Variants in ACOT9 observed in about 807,000 individuals in gnomAD.
ACOT9 encodes the protein acyl-CoA thioesterase 9, also known as acyl-coenzyme A thioesterase 9, mitochondrial.
A neutral mutation model predicts 39.7 loss-of-function variants in ACOT9; 34 were observed. That is an observed-to-expected ratio of 0.86 (90% confidence interval 0.65 to 1.14). ACOT9 has a LOEUF of 1.14. ACOT9 is among the 50% of genes most tolerant of loss of function. ACOT9 has a pLI of 0.00. For missense variants in ACOT9, 313 were observed against 344.1 expected, an observed-to-expected ratio of 0.91 and a Z score of 0.71; for synonymous variants, 110 against 120.5, an observed-to-expected ratio of 0.91 and a Z score of 0.57.
At chrX:23,742,221 AGAGAGAGAGAGAGAGG>A (rs1375710191) in intron 1 of ACOT9, among the ~76,000 whole-genome samples, 2 of 47,893 alleles carry the variant, frequency 4.2e-5, no homozygotes, top group African/African-American at 2.0e-4. Flanking sequence ...AGTGAGAGAG[AGAGAGAGAGAGAGAGG>A]GAGAGAGAGA....
rs772345781 is a variant in ACOT9 at position 23,702,092 on chromosome X, A to G, written c.*1802T>C. Among the ~76,000 whole-genome samples, 1 of 107,637 alleles carries G rather than the reference A, an allele frequency of 9.3e-6. No homozygotes were observed. Among genetic ancestry groups the G allele is most frequent in the Non-Finnish European group, 1.9e-5 (1 of 52,169 alleles). The allele number at this position is 107,637 out of a possible 115,157, so 93.5% of individuals were successfully genotyped here. ...TGTCTCACACACACACACACACACA[A>G]AAATACTTTCCACCTAATTCTGAGG... On this transcript the variant is annotated 3_prime_UTR_variant, in exon 16 of 16. Transcript: ENST00000379303.
In ACOT9 at chrX:23,720,115, G is replaced by C. The variant is rs557470574; in HGVS notation, c.588+1766C>G. Among the ~76,000 whole-genome samples, 179 of 112,992 alleles carry C rather than the reference G, an allele frequency of 1.6e-3. No individual in the cohort carries two copies. The South Asian group carries it at 0.028, about 18-fold the overall frequency. ...CCCAAAGTGCTGGGATTACAGGCGTGAGCCACCGCGCCCAGCCAGTCATTC... is the reference window on the plus strand; with the variant it reads ...CCCAAAGTGCTGGGATTACAGGCGTCAGCCACCGCGCCCAGCCAGTCATTC... On this transcript the variant is annotated intron_variant, in intron 8 of 15. Transcript: ENST00000379303.
In ACOT9 at chrX:23,722,748, T is replaced by A; in HGVS notation, c.406A>T (p.Ile136Phe). The change falls in exon 7 of 16, where the codon ATT (isoleucine) becomes TTT (phenylalanine). Residue 136 changes from isoleucine to phenylalanine, a missense_variant. Coordinates refer to ENST00000379303, the MANE Select transcript of ACOT9 (RefSeq NM_001037171.2). Reference sequence around the variant, plus strand: ...TGGATTTTGTTGTGCATGTAACAAATAAGAACTGCAGGGAAACAGGAGTGT... The same window carrying A: ...TGGATTTTGTTGTGCATGTAACAAAAAAGAACTGCAGGGAAACAGGAGTGT... ...LEDLDSLGVL[I>F]CYMHNKIHSA... 8.4e-7 allele frequency: 1 copy of A among 1,184,019 alleles called. No individual in the cohort carries two copies. The highest frequency in any genetic ancestry group is 1.1e-6 in the Non-Finnish European group (1 of 873,853).
At position 23,703,994 on chromosome X, in the gene ACOT9, G is replaced by T; in HGVS notation, c.1259-12C>A. The T allele has an allele frequency of 5.9e-6, 7 of 1,189,753 alleles. No homozygotes were observed. The highest frequency in any genetic ancestry group is 8.0e-6 in the Non-Finnish European group (7 of 876,750). On this transcript the variant is annotated splice_polypyrimidine_tract_variant and intron_variant, in intron 15 of 15. Transcript: ENST00000379303. ...GTACAACATGGACTCTGAAACACAA[G>T]AAAGAGAACCTTGGAGAAACTTGTA... is the stretch of plus-strand genomic sequence containing the variant.
chrX:23,706,794 G>A (rs941822652), intron 10 of ACOT9, 55 bp from the exon 11 acceptor site: 11 of 720,843 alleles, frequency 1.5e-5, no homozygotes, highest in African/African-American at 6.6e-5. Context: ...TACAGCACAC[G>A]GTATTCTGAC....
rs1430270541 is a variant in ACOT9 at position 23,724,723 on chromosome X, G to A, written c.401-1970C>T. On this transcript the variant is annotated intron_variant, in intron 6 of 15. Coordinates refer to ENST00000379303, the MANE Select transcript of ACOT9 (RefSeq NM_001037171.2). ...AGATGTCGAGGATACAGTGAGTGGTGATCGCACCACTGGACTCCACCCTGG... is the reference window on the plus strand; with the variant it reads ...AGATGTCGAGGATACAGTGAGTGGTAATCGCACCACTGGACTCCACCCTGG... 5.5e-5 allele frequency among the ~76,000 whole-genome samples: 6 copies of A among 109,853 alleles called. No individual in the cohort carries two copies. The East Asian group carries it at 1.4e-3, about 26-fold the overall frequency.
At chrX:23,712,543 G>A (rs1355194224) in intron 9 of ACOT9, among the ~76,000 whole-genome samples, 3 of 109,566 alleles carry the variant, frequency 2.7e-5, no homozygotes, top group East Asian at 5.6e-4. Context: ...GGTATAATTC[G>A]CATACCACAC....
In ACOT9 at chrX:23,705,614, A is replaced by T. The variant is rs762129511; in HGVS notation, c.934-20T>A. The T allele has an allele frequency of 2.9e-5, 34 of 1,190,267 alleles. No homozygotes were observed. The Admixed American group carries it at 7.4e-4, about 26-fold the overall frequency. On this transcript the variant is annotated intron_variant, in intron 12 of 15. Coordinates refer to ENST00000379303, the MANE Select transcript of ACOT9 (RefSeq NM_001037171.2). ...CCGCTCCTACAGGACATAAATAAAT[A>T]TCAATAAATACAAAACTTATGGCCA... is the stretch of plus-strand genomic sequence containing the variant.
chrX:23,730,403 T>C (rs977356264), intron 6 of ACOT9, 124 bp downstream of exon 6: 6 of 578,960 alleles, frequency 1.0e-5, no homozygotes, highest in Non-Finnish European at 1.7e-5. Context: ...GATGTCCTTC[T>C]TTTTTTGTGC....
chrX:23,707,867 A>T lies in ACOT9; in HGVS notation c.730+10T>A. ...TTCAAATTTATTTTATTATAAACAA[A>T]TTAATGTACATTCCCCTTGTCTAAA... On this transcript the variant is annotated intron_variant, in intron 10 of 15. Coordinates refer to ENST00000379303, the MANE Select transcript of ACOT9 (RefSeq NM_001037171.2). The T allele has an allele frequency of 8.6e-7, 1 of 1,161,685 alleles. No homozygotes were observed. Among genetic ancestry groups the T allele is most frequent in the Non-Finnish European group, 1.2e-6 (1 of 862,475 alleles).
intron 1 of ACOT9, among the ~76,000 whole-genome samples, chrX:23,742,239 A>AGAGAGAGAGAGAGAGG: frequency 2.0e-5 from 1 of 50,425 alleles, no homozygotes; most frequent in Non-Finnish European, 3.2e-5. Flanking sequence ...AGAGAGAGGG[A>AGAGAGAGAGAGAGAGG]GAGAGAGAGA....
At chrX:23,707,729 C>T (rs755051481) in intron 10 of ACOT9, 148 bp downstream of exon 10, 9 of 400,538 alleles carry the variant, frequency 2.2e-5, no homozygotes, top group African/African-American at 2.7e-5. Flanking sequence ...GACAGAGAGA[C>T]TCCATTTCAA....
Position 23,704,702 on chromosome X carries a change from GT to G in ACOT9, c.1249del (p.Thr417HisfsTer9), listed in dbSNP as rs1928613128. ...CAATAATCACTACTTACCTCCATAT[GT>G]TTTTGGGAAAACCAATGGCACTTCT... ...EKEVPLVFPK[T>X]YGESMLYLDG... On this transcript the variant is annotated frameshift_variant, in exon 15 of 16. Transcript: ENST00000379303. LOFTEE classifies it high-confidence loss of function. 1 of 1,209,541 alleles carries G rather than the reference GT, an allele frequency of 8.3e-7. No individual in the cohort carries two copies. The highest frequency in any genetic ancestry group is 2.2e-5 in the Admixed American group (1 of 45,614).
chrX:23,735,768 C>T (rs1205587257), intron 2 of ACOT9, 151 bp downstream of exon 2: 9 of 429,212 alleles, frequency 2.1e-5, no homozygotes, highest in Non-Finnish European at 3.5e-5. Context: ...TATTATGCAG[C>T]TATCCTGGTC....
In ACOT9 at chrX:23,704,779, C is replaced by A; in HGVS notation, c.1173G>T (p.Glu391Asp). The A allele has an allele frequency of 8.3e-7, 1 of 1,210,541 alleles. No individual in the cohort carries two copies. Among genetic ancestry groups the A allele is most frequent in the Non-Finnish European group, 1.1e-6 (1 of 894,292 alleles). Reference protein sequence around the residue: ...RVHSEVASLQEKQHTTTNVFH... With the variant: ...RVHSEVASLQDKQHTTTNVFH... Reference sequence around the variant, plus strand: ...AGACATTGGTGGTTGTATGCTGCTTCTCCTGCAGGGAGGCCACTTCACTGT... The same window carrying A: ...AGACATTGGTGGTTGTATGCTGCTTATCCTGCAGGGAGGCCACTTCACTGT... Residue 391 changes from glutamate to aspartate, a missense_variant, in exon 15 of 16, where the codon GAG (glutamate) becomes GAT (aspartate). Glu to Asp is a conservative substitution (Grantham distance 45). Transcript: ENST00000379303.
At chrX:23,724,748 G>T (rs534844500) in intron 6 of ACOT9, among the ~76,000 whole-genome samples, 43 of 108,947 alleles carry the variant, frequency 3.9e-4, no homozygotes, top group African/African-American at 1.3e-3. Context: ...CTCCACCCTG[G>T]GTGACAGAGC....
At chrX:23,742,220 G>GAGAGAGAGAGAGA (rs1204718183) in intron 1 of ACOT9, among the ~76,000 whole-genome samples, 1 of 47,760 alleles carries the variant, frequency 2.1e-5, no homozygotes, top group Non-Finnish European at 3.2e-5. Context: ...GAGTGAGAGA[G>GAGAGAGAGAGAGA]AGAGAGAGAG....
At chrX:23,724,204 G>C (rs1185990727) in intron 6 of ACOT9, among the ~76,000 whole-genome samples, 1 of 111,115 alleles carries the variant, frequency 9.0e-6, no homozygotes, top group Admixed American at 9.6e-5. Flanking sequence ...CAAGACTGTA[G>C]TTAGCCATGA....
At chrX:23,717,392 G>A (rs1447937191) in intron 8 of ACOT9, among the ~76,000 whole-genome samples, 2 of 111,917 alleles carry the variant, frequency 1.8e-5, no homozygotes, top group Non-Finnish European at 3.8e-5. Context: ...GAAGACTTAT[G>A]TGGTAAAAAT....
Sources: gnomAD v4.1 joint callset for allele counts (sites outside exome capture counted in the v4.1 genomes callset) on GRCh38, gnomAD v4.1.1 for gene constraint, MANE v1.5 for transcripts, NCBI Gene and HGNC (gene_info 2026-07-23, HGNC 2026-07-21) for gene names.